DIAPH3: variants seen among roughly 807,000 people sequenced by gnomAD.
DIAPH3 encodes diaphanous related formin 3.
In DIAPH3, 117 loss-of-function variants were observed where a neutral mutation model predicts 144.3. The ratio of observed to expected loss-of-function variants is 0.81; its 90% CI spans 0.70 to 0.95. DIAPH3 has a LOEUF of 0.95. Among genes scored for constraint, DIAPH3 ranks in the 40% least tolerant of loss-of-function variants. The pLI, the probability that DIAPH3 is intolerant of heterozygous loss-of-function variation, is 0.00. For synonymous variants in DIAPH3, 519 were observed against 488.9 expected (o/e 1.06, Z -0.81); for missense variants, 1,421 against 1,412.7 (o/e 1.01, Z -0.09).
chr13:60,131,445 A>C (rs1221758154), intron 2 of DIAPH3, among the ~76,000 whole-genome samples: 5 of 150,168 alleles, frequency 3.3e-5, no homozygotes, highest in African/African-American at 1.2e-4. Context: ...CAAAAAAAAA[A>C]AAAAAAAAAA....
In DIAPH3 at chr13:59,983,921, A is replaced by G. The variant is rs780551338; in HGVS notation, c.1362-34T>C. On this transcript the variant is annotated intron_variant, in intron 12 of 27. Transcript: ENST00000400324. ...AAAGAAAAGAGTAAATGTACAATTGATAATTAGTGTAACTTTACATCAAAA... is the reference window on the plus strand; with the variant it reads ...AAAGAAAAGAGTAAATGTACAATTGGTAATTAGTGTAACTTTACATCAAAA... 3 of 1,380,704 alleles carry G rather than the reference A, an allele frequency of 2.2e-6. No homozygotes were observed. In the Admixed American group the frequency reaches 5.1e-5, roughly 23 times the overall value. 85.5% of individuals were successfully genotyped at this position (1,380,704 alleles called of 1,614,324 possible).
chr13:59,885,461 A>G (rs997132847), intron 20 of DIAPH3, among the ~76,000 whole-genome samples: 1 of 151,298 alleles, frequency 6.6e-6, no homozygotes, highest in Non-Finnish European at 1.5e-5. Context: ...AAAAAAAAAA[A>G]AAAAAAAAAG....
chr13:60,109,464 A>G (rs1161630959), intron 3 of DIAPH3, among the ~76,000 whole-genome samples: 1 of 148,768 alleles, frequency 6.7e-6, no homozygotes, highest in Non-Finnish European at 1.5e-5. Flanking sequence ...TTCAGTCCAG[A>G]GAATAGGGAA....
At chr13:59,850,058 G>T (rs2042873437) in intron 22 of DIAPH3, among the ~76,000 whole-genome samples, 1 of 145,108 alleles carries the variant, frequency 6.9e-6, no homozygotes, top group African/African-American at 2.5e-5. Flanking sequence ...GGATTCCTAG[G>T]TATTTTATTC....
chr13:60,116,377 T>C (rs761858555), intron 2 of DIAPH3, among the ~76,000 whole-genome samples: 2 of 152,090 alleles, frequency 1.3e-5, no homozygotes, highest in Non-Finnish European at 2.9e-5. Flanking sequence ...TGAATATATG[T>C]CCAGAAGTTA....
intron 27 of DIAPH3, among the ~76,000 whole-genome samples, chr13:59,742,540 T>G (rs1382712392): frequency 2.0e-5 from 3 of 147,060 alleles, no homozygotes; most frequent in African/African-American, 7.6e-5. Context: ...TGGCTTCTGA[T>G]GTAAGCATGG....
chr13:60,029,819 G>T (rs2054654469), intron 5 of DIAPH3, among the ~76,000 whole-genome samples: 1 of 152,114 alleles, frequency 6.6e-6, no homozygotes, highest in Non-Finnish European at 1.5e-5. Context: ...AGTTAAGCCA[G>T]AATAGCTCAT....
At chr13:59,740,222 T>C (rs1306566689) in intron 27 of DIAPH3, among the ~76,000 whole-genome samples, 2 of 152,208 alleles carry the variant, frequency 1.3e-5, no homozygotes, top group Non-Finnish European at 2.9e-5. Context: ...GTAAGAACCA[T>C]TACGGAATAT....
intron 1 of DIAPH3, among the ~76,000 whole-genome samples, chr13:60,151,368 C>A (rs755884144): frequency 6.6e-6 from 1 of 152,130 alleles, no homozygotes; most frequent in Non-Finnish European, 1.5e-5. Flanking sequence ...TATACAGACA[C>A]GTTTGAGTCT....
intron 21 of DIAPH3, among the ~76,000 whole-genome samples, chr13:59,870,636 T>C (rs2044200425): frequency 6.6e-6 from 1 of 151,382 alleles, no homozygotes; most frequent in African/African-American, 2.4e-5. Flanking sequence ...TATTAGATCT[T>C]CTTTGATTTT....
chr13:59,789,603 A>G (rs1391846494), intron 25 of DIAPH3, among the ~76,000 whole-genome samples: 1 of 152,190 alleles, frequency 6.6e-6, no homozygotes, highest in East Asian at 1.9e-4. Context: ...AGGAGAAGCC[A>G]GGATAAATGG....
chr13:59,745,592 A>C (rs939239128), intron 27 of DIAPH3, among the ~76,000 whole-genome samples: 1 of 152,182 alleles, frequency 6.6e-6, no homozygotes, highest in African/African-American at 2.4e-5. Context: ...AAGGCTGCAC[A>C]TACAAACACA....
At chr13:59,807,007 A>G (rs1360625949) in intron 25 of DIAPH3, among the ~76,000 whole-genome samples, 1 of 151,886 alleles carries the variant, frequency 6.6e-6, no homozygotes, top group Non-Finnish European at 1.5e-5. Flanking sequence ...TGACTTGACA[A>G]AAAGCATATT....
At chr13:59,919,726 C>T (rs1024189290) in intron 18 of DIAPH3, among the ~76,000 whole-genome samples, 2 of 152,014 alleles carry the variant, frequency 1.3e-5, no homozygotes, top group African/African-American at 4.8e-5. Flanking sequence ...GTATAACTCA[C>T]CAGTAAAAGT....
chr13:60,043,913 T>G (rs2141206201), intron 4 of DIAPH3, among the ~76,000 whole-genome samples: 1 of 152,094 alleles, frequency 6.6e-6, no homozygotes, highest in Middle Eastern at 3.4e-3. Context: ...TTAAACAGGA[T>G]GGTCAAAGAA....
At chr13:59,816,264 T>A (rs1041816691) in intron 24 of DIAPH3, among the ~76,000 whole-genome samples, 8 of 152,070 alleles carry the variant, frequency 5.3e-5, no homozygotes, top group Non-Finnish European at 1.2e-4. Context: ...GTAAAATGTA[T>A]CTGAAAAACT....
chr13:60,081,948 G>T (rs1342089194), intron 4 of DIAPH3, among the ~76,000 whole-genome samples: 1 of 151,894 alleles, frequency 6.6e-6, no homozygotes, highest in Non-Finnish European at 1.5e-5. Flanking sequence ...ACATTGAAGA[G>T]AAAGTGCTGA....
chr13:60,124,889 C>A (rs2058947445), intron 2 of DIAPH3, among the ~76,000 whole-genome samples: 1 of 151,898 alleles, frequency 6.6e-6, no homozygotes, highest in Non-Finnish European at 1.5e-5. Flanking sequence ...ATTTGGTGCT[C>A]TCAGCGGAGA....
chr13:60,105,812 T>G (rs2058403388), intron 3 of DIAPH3, among the ~76,000 whole-genome samples: 2 of 152,192 alleles, frequency 1.3e-5, no homozygotes, highest in African/African-American at 4.8e-5. Context: ...AATAAGCTGC[T>G]GGTAGGAATC....
Sources: allele counts gnomAD v4.1 joint callset (sites outside exome capture counted in the v4.1 genomes callset), GRCh38; gene constraint gnomAD v4.1.1; transcripts MANE v1.5; gene names NCBI Gene and HGNC (gene_info 2026-07-23, HGNC 2026-07-21).